SLC28A1: variants seen among roughly 807,000 people sequenced by gnomAD.
SLC28A1 encodes sodium/nucleoside cotransporter 1.
In SLC28A1, 64 loss-of-function variants were observed where a neutral mutation model predicts 74.8. The observed-to-expected ratio is 0.86, with a 90% confidence interval of 0.70 to 1.05. The LOEUF is 1.05. Ranked by LOEUF, SLC28A1 falls within the 50% of genes least tolerant of loss-of-function variation. The probability of loss-of-function intolerance (pLI) is 0.00; values close to 1 mark genes in which losing one functional copy is unlikely to be tolerated. For synonymous variants in SLC28A1, 359 were observed against 335.0 expected, an observed-to-expected ratio of 1.07 and a Z score of -0.78; for missense variants, 828 against 822.8, an observed-to-expected ratio of 1.01 and a Z score of -0.08.
the SLC28A1 span, among the ~76,000 whole-genome samples, chr15:84,953,038 C>T: frequency 2.0e-5 from 3 of 152,184 alleles, no homozygotes; most frequent in Non-Finnish European, 4.4e-5. Flanking sequence ...TCAATGCCAT[C>T]GCATCAATTA....
intron 16 of SLC28A1, among the ~76,000 whole-genome samples, chr15:84,943,966 G>A (rs375198912): frequency 2.6e-5 from 4 of 152,140 alleles, no homozygotes; most frequent in African/African-American, 2.4e-5. Flanking sequence ...CTAGAATTCC[G>A]ATTCTCTGCT....
intron 11 of SLC28A1, among the ~76,000 whole-genome samples, 200 bp downstream of exon 11, chr15:84,921,269 CT>C (rs1969801866): frequency 6.6e-6 from 1 of 152,156 alleles, no homozygotes; most frequent in African/African-American, 2.4e-5. Flanking sequence ...ATCTGTCTGG[CT>C]TCTCTTACCA....
rs545667372 is a variant in SLC28A1, at chr15:84,898,557, C to T, written c.461+3434C>T. 3.4e-4 allele frequency among the ~76,000 whole-genome samples: 47 copies of T among 140,122 alleles called. No homozygotes were observed. The South Asian group carries it at 5.7e-3, about 17-fold the overall frequency. 91.9% of individuals were successfully genotyped at this position (140,122 alleles called of 152,430 possible). A position where few individuals can be genotyped will look rare whatever the true frequency, so the allele number is the denominator to read the frequency against. On this transcript the variant is annotated intron_variant, in intron 6 of 18. Coordinates refer to ENST00000394573, the MANE Select transcript of SLC28A1 (RefSeq NM_004213.5). ...TCTCGCCACTGCACTCCAGCCTGGG[C>T]GACAGAGCAAGACTCCATCACCAAA... is the stretch of plus-strand genomic sequence containing the variant.
chr15:84,956,444 T>TTTCTTTCTTTCTTTCTTTCC, the SLC28A1 span, among the ~76,000 whole-genome samples: 2 of 71,386 alleles, frequency 2.8e-5, no homozygotes, highest in African/African-American at 1.1e-4. Flanking sequence ...CCTTCCTTCC[T>TTTCTTTCTTTCTTTCTTTCC]TTCTTTCTTT....
At chr15:84,905,789 C>A (rs1967011303) in intron 8 of SLC28A1, 137 bp downstream of exon 8, 2 of 723,336 alleles carry the variant, frequency 2.8e-6, no homozygotes, top group Admixed American at 4.0e-5. Flanking sequence ...GACTGGGGCC[C>A]CAGACCAGGT....
At chr15:84,950,179 CA>C (rs1280190577), downstream of SLC28A1, among the ~76,000 whole-genome samples, 2 of 151,950 alleles carry the variant, frequency 1.3e-5, no homozygotes, top group African/African-American at 2.4e-5. Context: ...CTCTGCTGGG[CA>C]AAATATCCTA....
chr15:84,918,457 G>T, intron 9 of SLC28A1, 67 bp from the exon 10 acceptor site: 1 of 1,258,732 alleles, frequency 7.9e-7, no homozygotes, highest in Non-Finnish European at 1.2e-6. Context: ...GGGTCTCCTG[G>T]GCCCCGCCTG....
rs372835658 is a variant in SLC28A1 at position 84,944,579 on chromosome 15, C to T, written c.1677C>T (p.Pro559=). Residue 559 remains proline (P), a synonymous_variant, in exon 17 of 19, where the codon CCC becomes CCT. Coordinates refer to ENST00000394573, the MANE Select transcript of SLC28A1 (RefSeq NM_004213.5). ...GTCCCCTTGCAGCCTCCATGGTCCC[C>T]CAACGGAAGAGCGACTTCTCCCAGA... The part of the protein sequence containing the change: ...IMLGGLTSMV[P]QRKSDFSQIV... The T allele has an allele frequency of 6.2e-7, 1 of 1,613,524 alleles. No homozygotes were observed. The highest frequency in any genetic ancestry group is 1.3e-5 in the African/African-American group (1 of 74,936).
At chr15:84,971,238 A>G in the SLC28A1 span, among the ~76,000 whole-genome samples, 1 of 152,230 alleles carries the variant, frequency 6.6e-6, no homozygotes, top group Non-Finnish European at 1.5e-5. Context: ...AAGCTGTTGA[A>G]AGGGCTAGAG....
chr15:84,895,435 G>A (rs772282977), intron 6 of SLC28A1: 1 of 1,613,844 alleles, frequency 6.2e-7, no homozygotes. Context: ...AGATCACCTG[G>A]ACAGTGTGAG....
At chr15:84,905,219 G>T (rs1391088895) in intron 7 of SLC28A1, among the ~76,000 whole-genome samples, 1 of 152,160 alleles carries the variant, frequency 6.6e-6, no homozygotes, top group Non-Finnish European at 1.5e-5. Flanking sequence ...TGATCCTGAG[G>T]CCAGACCCCC....
At chr15:84,967,639 A>G in the SLC28A1 span, among the ~76,000 whole-genome samples, 2 of 152,204 alleles carry the variant, frequency 1.3e-5, no homozygotes, top group Non-Finnish European at 2.9e-5. Flanking sequence ...TTGGCAGCAG[A>G]CGTTGTCCCT....
intron 6 of SLC28A1, among the ~76,000 whole-genome samples, chr15:84,903,210 G>A (rs1366356307): frequency 6.6e-6 from 1 of 152,196 alleles, no homozygotes; most frequent in Non-Finnish European, 1.5e-5. Flanking sequence ...TCAGCTCTTC[G>A]ATCTCCTGCT....
downstream of SLC28A1, among the ~76,000 whole-genome samples, chr15:84,946,110 A>ATT (rs1382844934): frequency 4.2e-4 from 4 of 9,598 alleles, no homozygotes; most frequent in African/African-American, 8.9e-4. Flanking sequence ...ATATATATAT[A>ATT]TATTTTTTTT....
chr15:84,950,418 C>T (rs1252198472), downstream of SLC28A1, among the ~76,000 whole-genome samples: 2 of 145,300 alleles, frequency 1.4e-5, no homozygotes, highest in Non-Finnish European at 3.0e-5. Context: ...CATGTGGCCA[C>T]TTACAATAAA....
At chr15:84,885,372 A>T (rs1332435821) in intron 1 of SLC28A1, among the ~76,000 whole-genome samples, 1 of 151,334 alleles carries the variant, frequency 6.6e-6, no homozygotes, top group Non-Finnish European at 1.5e-5. Flanking sequence ...TTATGAGAAC[A>T]CTGTTACTGT....
In SLC28A1 at chr15:84,940,382, C is replaced by T. The variant is rs1972513567; in HGVS notation, c.1582-3063C>T. ...ATGTAACTATGCAAAAAAAAGGACA[C>T]TGTACAGTTTAAAAACAAATCTTAC... On this transcript the variant is annotated intron_variant, in intron 15 of 18. Coordinates refer to ENST00000394573, the MANE Select transcript of SLC28A1 (RefSeq NM_004213.5). The T allele has an allele frequency of 3.9e-5, 6 of 152,754 alleles. No individual in the cohort carries two copies. The Admixed American group carries it at 3.9e-4, about 10-fold the overall frequency. The allele number at this position is 152,754 out of a possible 1,614,324, so 9.5% of individuals were successfully genotyped here. A position where few individuals can be genotyped will look rare whatever the true frequency, so the allele number is the denominator to read the frequency against.
chr15:84,970,639 A>G, the SLC28A1 span, among the ~76,000 whole-genome samples: 1 of 152,094 alleles, frequency 6.6e-6, no homozygotes, highest in South Asian at 2.1e-4. Flanking sequence ...CCTTTTGCTT[A>G]TGGCCTAGAG....
chr15:84,934,051 T>G (rs1971609198), intron 13 of SLC28A1, among the ~76,000 whole-genome samples: 1 of 152,188 alleles, frequency 6.6e-6, no homozygotes. Flanking sequence ...CAGGAATGGA[T>G]TCATCCATTC....
Sources: gnomAD v4.1 joint callset for allele counts (sites outside exome capture counted in the v4.1 genomes callset) on GRCh38, gnomAD v4.1.1 for gene constraint, MANE v1.5 for transcripts, NCBI Gene and HGNC (gene_info 2026-07-23, HGNC 2026-07-21) for gene names.